Variants in USP24 observed in about 807,000 individuals in gnomAD.
The protein encoded by USP24 is ubiquitin specific peptidase 24.
USP24 carries 97 observed loss-of-function variants against 361.6 expected under a neutral mutation model. That is an observed-to-expected ratio of 0.27 (90% CI 0.23 to 0.32). USP24 has a LOEUF of 0.32. Ranked by LOEUF, USP24 falls within the 10% of genes least tolerant of loss-of-function variation. The probability of loss-of-function intolerance (pLI) is 1.00; values close to 1 mark genes in which losing one functional copy is unlikely to be tolerated. For synonymous variants in USP24, 1,098 were observed against 1,124.6 expected (o/e 0.98, Z 0.47); for missense variants, 2,353 against 3,165.6 (o/e 0.74, Z 6.16).
intron 1 of USP24, among the ~76,000 whole-genome samples, chr1:55,207,086 A>C (rs1644726313): frequency 6.6e-6 from 1 of 152,148 alleles, no homozygotes; most frequent in Non-Finnish European, 1.5e-5. Flanking sequence ...TGAGCCTAGG[A>C]GGCAGAGGCT....
chr1:55,184,279 A>G (rs1644064147), intron 1 of USP24, among the ~76,000 whole-genome samples: 3 of 151,894 alleles, frequency 2.0e-5, no homozygotes, highest in African/African-American at 7.3e-5. Flanking sequence ...CTGGTCTCAA[A>G]CTCCTGAGCT....
At chr1:55,191,674 TAG>T (rs1003778082) in intron 1 of USP24, among the ~76,000 whole-genome samples, 10 of 152,032 alleles carry the variant, frequency 6.6e-5, no homozygotes, top group Non-Finnish European at 1.5e-4. Flanking sequence ...GTATTTTTAG[TAG>T]AGACGGTGTT....
chr1:55,073,065 A>G (rs1644953011), intron 64 of USP24: 1 of 572,316 alleles, frequency 1.7e-6, no homozygotes, highest in Admixed American at 3.3e-5. Context: ...AGGGAGGAAT[A>G]GGGAGTCAGT....
At position 55,079,578 on chromosome 1, in the gene USP24, G is replaced by T. The variant is rs1439067913; in HGVS notation, c.7160C>A (p.Ala2387Asp). Residue 2387 changes from alanine (A) to aspartate (D), a missense_variant, in exon 60 of 68, where the codon GCC (alanine) becomes GAC (aspartate). Physicochemically the swap from Ala to Asp is moderately radical, Grantham distance 126. Transcript: ENST00000294383. ...TTTCCCTTCAGACATGAACAACAAGGCTTCTACCTCCTCATGGAGGGGCAA... is the reference window on the plus strand; with the variant it reads ...TTTCCCTTCAGACATGAACAACAAGTCTTCTACCTCCTCATGGAGGGGCAA... ...PLLPLHEEVEALLFMSEGKPY... is the reference protein window; with the variant it reads ...PLLPLHEEVEDLLFMSEGKPY... The T allele has an allele frequency of 6.4e-7, 1 of 1,574,132 alleles. No individual in the cohort carries two copies. The highest frequency in any genetic ancestry group is 8.6e-7 in the Non-Finnish European group (1 of 1,166,652).
chr1:55,072,877 A>G lies in USP24; in HGVS notation c.7527-16T>C. The G allele has an allele frequency of 6.3e-7, 1 of 1,593,240 alleles. No individual in the cohort carries two copies. Among genetic ancestry groups the G allele is most frequent in the Non-Finnish European group, 8.5e-7 (1 of 1,170,140 alleles). ...TGCAGGACACCTGATGACCGAGGAG[A>G]TTTTTATTAGCCAAATTCTTTCTTT... On this transcript the variant is annotated splice_polypyrimidine_tract_variant and intron_variant, in intron 64 of 67. Coordinates refer to ENST00000294383, the MANE Select transcript of USP24 (RefSeq NM_015306.3).
intron 1 of USP24, among the ~76,000 whole-genome samples, chr1:55,208,392 CTGAGGT>C (rs1644764043): frequency 6.6e-6 from 1 of 152,160 alleles, no homozygotes; most frequent in Admixed American, 6.5e-5. Context: ...CTTTGGGAGG[CTGAGGT>C]TGGCGGATCA....
At chr1:55,120,546 C>A in intron 38 of USP24, 50 bp downstream of exon 38, 2 of 1,480,680 alleles carry the variant, frequency 1.4e-6, no homozygotes, top group Non-Finnish European at 1.8e-6. Context: ...CACAAATTAT[C>A]ATTTATCCTC....
intron 1 of USP24, 27 bp from the exon 2 acceptor site, chr1:55,178,159 G>A (rs1650176319): frequency 7.0e-7 from 1 of 1,436,146 alleles, no homozygotes; most frequent in Non-Finnish European, 9.1e-7. Flanking sequence ...AAGATAAAAA[G>A]CAAATAAAAC....
chr1:55,115,534 G>T lies in USP24; in HGVS notation c.4508+5062C>A, dbSNP rs1570443616. 2.1e-5 allele frequency among the ~76,000 whole-genome samples: 3 copies of T among 140,188 alleles called. 1 individual carries two copies. Among genetic ancestry groups the T allele is most frequent in the African/African-American group, 7.5e-5 (3 of 39,760 alleles). The allele number at this position is 140,188 out of a possible 152,430, so 92.0% of individuals were successfully genotyped here. On this transcript the variant is annotated intron_variant, in intron 38 of 67. Transcript: ENST00000294383. ...AAAAAAAAGGAAACAACAGATGCTG[G>T]AGAGGATATGGTGAAACACTTTTAC...
intron 31 of USP24, among the ~76,000 whole-genome samples, chr1:55,131,702 C>T (rs983952039): frequency 6.6e-6 from 1 of 152,148 alleles, no homozygotes; most frequent in Non-Finnish European, 1.5e-5. Flanking sequence ...CAGATTGTCA[C>T]ATGAAATGAA....
chr1:55,135,582 A>C (rs1646710491), intron 28 of USP24, among the ~76,000 whole-genome samples: 1 of 152,208 alleles, frequency 6.6e-6, no homozygotes, highest in Non-Finnish European at 1.5e-5. Flanking sequence ...AAGATATCTC[A>C]TTATGTATAT....
intron 1 of USP24, among the ~76,000 whole-genome samples, chr1:55,186,528 C>T (rs1462852933): frequency 6.6e-6 from 1 of 152,048 alleles, no homozygotes; most frequent in Non-Finnish European, 1.5e-5. Flanking sequence ...ACCCAAGTGT[C>T]CATCAACAAA....
intron 50 of USP24, 83 bp downstream of exon 50, chr1:55,096,415 T>A (rs1001340424): frequency 8.6e-7 from 1 of 1,161,746 alleles, no homozygotes; most frequent in South Asian, 2.6e-5. Flanking sequence ...TCTGTTGTGT[T>A]TTTATATAAA....
chr1:55,103,664 C>A (rs994454540), intron 42 of USP24, among the ~76,000 whole-genome samples: 28 of 152,174 alleles, frequency 1.8e-4, no homozygotes. Context: ...AAATGCCTCT[C>A]CCTCTTTAAT....
At chr1:55,081,520 TTTAA>T (rs1473003968) in intron 58 of USP24, 96 bp from the exon 59 acceptor site, 3 of 1,196,660 alleles carry the variant, frequency 2.5e-6, no homozygotes, top group East Asian at 4.7e-5. Flanking sequence ...TATTCTGGGC[TTTAA>T]TTATTTCTCA....
Position 55,158,982 on chromosome 1 carries a change from A to G in USP24, c.1123T>C (p.Phe375Leu). The change falls in exon 10 of 68, where the codon TTC (phenylalanine) becomes CTC (leucine). Residue 375 changes from phenylalanine to leucine, a missense_variant. Phe to Leu is a conservative substitution (Grantham distance 22). Transcript: ENST00000294383. ...LSAVKLLCMRFQPDLVTIVDD... is the reference protein window; with the variant it reads ...LSAVKLLCMRLQPDLVTIVDD... Reference sequence around the variant, plus strand: ...ACAATTGTCACCAGATCCGGTTGGAAGCGCATGCAAAGTAACTTAACGGCA... The same window carrying G: ...ACAATTGTCACCAGATCCGGTTGGAGGCGCATGCAAAGTAACTTAACGGCA... 6.3e-7 allele frequency: 1 copy of G among 1,593,612 alleles called. No homozygotes were observed. The highest frequency in any genetic ancestry group is 8.6e-7 in the Non-Finnish European group (1 of 1,168,234).
At chr1:55,139,571 A>T (rs1388236516) in intron 24 of USP24, among the ~76,000 whole-genome samples, 1 of 152,222 alleles carries the variant, frequency 6.6e-6, no homozygotes, top group African/African-American at 2.4e-5. Context: ...TCATCAGCTT[A>T]TATAGTCATA....
intron 23 of USP24, among the ~76,000 whole-genome samples, 195 bp from the exon 24 acceptor site, chr1:55,141,926 A>G (rs1304871443): frequency 6.6e-6 from 1 of 152,152 alleles, no homozygotes; most frequent in Non-Finnish European, 1.5e-5. Context: ...ATGCCTCCAG[A>G]TATTACCAAA....
Position 55,137,908 on chromosome 1 carries a change from T to C in USP24, c.2929-4A>G. 3.2e-6 allele frequency: 5 copies of C among 1,572,756 alleles called. No homozygotes were observed. Among genetic ancestry groups the C allele is most frequent in the Admixed American group, 1.8e-5 (1 of 55,116 alleles). ...CTATGGTTTCATTACTGTGAGCCTG[T>C]AAAATAAAATTAAACACGTTGTGAG... On this transcript the variant is annotated splice_region_variant and splice_polypyrimidine_tract_variant and intron_variant, in intron 26 of 67. Transcript: ENST00000294383.
Sources: allele counts gnomAD v4.1 joint callset (sites outside exome capture counted in the v4.1 genomes callset), GRCh38; gene constraint gnomAD v4.1.1; transcripts MANE v1.5; gene names NCBI Gene and HGNC (gene_info 2026-07-23, HGNC 2026-07-21).